Variants in SPATA16 observed in about 807,000 individuals in gnomAD.
SPATA16 encodes spermatogenesis-associated protein 16.
Under a neutral mutation model 63.3 loss-of-function variants are expected in SPATA16, and 36 were observed. The observed-to-expected ratio is 0.57, with a 90% CI of 0.44 to 0.75. The LOEUF (loss-of-function observed/expected upper bound fraction) is 0.75. Among genes scored for constraint, SPATA16 ranks in the 30% least tolerant of loss-of-function variants. The pLI is 0.00. For synonymous variants in SPATA16, 203 were observed against 216.7 expected (o/e 0.94, Z 0.56); for missense variants, 646 against 679.3 (o/e 0.95, Z 0.54).
chr3:173,097,512 C>CT (rs1313299068), intron 2 of SPATA16, among the ~76,000 whole-genome samples: 1 of 152,020 alleles, frequency 6.6e-6, no homozygotes, highest in Non-Finnish European at 1.5e-5. Context: ...AAGTTATGGC[C>CT]ATAGTTCATG....
At chr3:173,092,719 A>T (rs762785125) in intron 2 of SPATA16, among the ~76,000 whole-genome samples, 2 of 152,146 alleles carry the variant, frequency 1.3e-5, no homozygotes, top group African/African-American at 4.8e-5. Flanking sequence ...GGACTGTAAG[A>T]TAATAAACTG....
At chr3:173,057,466 A>G (rs1221870466) in intron 2 of SPATA16, among the ~76,000 whole-genome samples, 1 of 143,642 alleles carries the variant, frequency 7.0e-6, no homozygotes, top group African/African-American at 2.8e-5. Flanking sequence ...TTTCACCGCT[A>G]TTATTCCTAT....
intron 4 of SPATA16, among the ~76,000 whole-genome samples, chr3:172,992,060 T>C (rs1734590310): frequency 6.6e-6 from 1 of 152,114 alleles, no homozygotes; most frequent in East Asian, 1.9e-4. Context: ...CTTGAACTAG[T>C]TAATGGTATG....
At position 173,056,383 on chromosome 3, in the gene SPATA16, T is replaced by C. The variant is rs566080580; in HGVS notation, c.613-7289A>G. Reference sequence around the variant, plus strand: ...GTGGATGGTAACTTTTCTAAGTTCATGAATAGTTGAGAATGTATGTTGCTG... The same window carrying C: ...GTGGATGGTAACTTTTCTAAGTTCACGAATAGTTGAGAATGTATGTTGCTG... On this transcript the variant is annotated intron_variant, in intron 2 of 10. Coordinates refer to ENST00000351008, the MANE Select transcript of SPATA16 (RefSeq NM_031955.6). Among the ~76,000 whole-genome samples, 20 of 152,316 alleles carry C rather than the reference T, an allele frequency of 1.3e-4. No homozygotes were observed. The South Asian group carries it at 3.9e-3, about 30-fold the overall frequency.
intron 1 of SPATA16, among the ~76,000 whole-genome samples, chr3:173,130,156 T>C (rs1738335119): frequency 6.6e-6 from 1 of 151,900 alleles, no homozygotes; most frequent in Admixed American, 6.6e-5. Flanking sequence ...GGTTAAGATA[T>C]CAAGACCATC....
intron 2 of SPATA16, among the ~76,000 whole-genome samples, chr3:173,070,722 A>T (rs1027887606): frequency 6.6e-6 from 1 of 152,208 alleles, no homozygotes; most frequent in Non-Finnish European, 1.5e-5. Context: ...TGAAATAGTT[A>T]CAAATAAAAT....
rs542303733 is a variant in SPATA16, at chr3:173,090,475, C to A, written c.612+26645G>T. Among the ~76,000 whole-genome samples the A allele has an allele frequency of 6.2e-4, 95 of 152,262 alleles. 1 individual carries two copies. The highest frequency in any genetic ancestry group is 1.3e-3 in the African/African-American group (55 of 41,582). On this transcript the variant is annotated intron_variant, in intron 2 of 10. Transcript: ENST00000351008. Reference sequence around the variant, plus strand: ...TGCAAGAATGGAATGATGCTAAAGTCTTACATTTATGAGTTTGGCGCTTCC... The same window carrying A: ...TGCAAGAATGGAATGATGCTAAAGTATTACATTTATGAGTTTGGCGCTTCC...
chr3:173,017,523 C>T (rs912987660), intron 4 of SPATA16, among the ~76,000 whole-genome samples: 2 of 152,154 alleles, frequency 1.3e-5, no homozygotes, highest in African/African-American at 4.8e-5. Flanking sequence ...TGCTGGTAAC[C>T]TGGCTCTCCT....
At chr3:172,968,124 A>T (rs1286007825) in intron 5 of SPATA16, among the ~76,000 whole-genome samples, 2 of 152,216 alleles carry the variant, frequency 1.3e-5, no homozygotes, top group African/African-American at 4.8e-5. Flanking sequence ...CGGGGACTGT[A>T]TCAGCTCTGT....
At chr3:172,915,327 T>C (rs1387844625) in intron 9 of SPATA16, among the ~76,000 whole-genome samples, 1 of 152,162 alleles carries the variant, frequency 6.6e-6, no homozygotes, top group Non-Finnish European at 1.5e-5. Context: ...TTTAACATGC[T>C]TTTAGCAGGT....
intron 4 of SPATA16, among the ~76,000 whole-genome samples, chr3:172,978,128 TCTCTCTCTCC>T (rs1251930897): frequency 6.7e-6 from 1 of 150,054 alleles, no homozygotes; most frequent in Admixed American, 6.6e-5. Flanking sequence ...CAGCTCTCTC[TCTCTCTCTCC>T]CTCTCTCTCT....
intron 2 of SPATA16, among the ~76,000 whole-genome samples, chr3:173,064,442 T>A (rs1736467392): frequency 6.6e-6 from 1 of 152,098 alleles, no homozygotes; most frequent in Non-Finnish European, 1.5e-5. Context: ...CAGTATTAAG[T>A]ATTTTGGCAC....
At chr3:172,897,272 G>C (rs1732027420) in intron 10 of SPATA16, among the ~76,000 whole-genome samples, 1 of 151,960 alleles carries the variant, frequency 6.6e-6, no homozygotes, top group South Asian at 2.1e-4. Context: ...GGATATATCG[G>C]TTTATTTCTG....
At chr3:173,026,168 T>C (rs1735449932) in intron 3 of SPATA16, among the ~76,000 whole-genome samples, 1 of 151,900 alleles carries the variant, frequency 6.6e-6, no homozygotes, top group Admixed American at 6.6e-5. Flanking sequence ...GGCTTTAGTT[T>C]GCATTTCCCT....
intron 10 of SPATA16, among the ~76,000 whole-genome samples, chr3:172,895,244 A>G (rs1013535666): frequency 6.6e-6 from 1 of 152,204 alleles, no homozygotes; most frequent in African/African-American, 2.4e-5. Context: ...AAGATCTCTC[A>G]TGTTACCTTT....
chr3:173,003,894 A>G (rs1734881826), intron 4 of SPATA16, among the ~76,000 whole-genome samples: 1 of 152,232 alleles, frequency 6.6e-6, no homozygotes, highest in Non-Finnish European at 1.5e-5. Context: ...AGTGCAGTAT[A>G]TATTATCTCT....
chr3:173,040,460 G>T (rs1735814439), intron 3 of SPATA16, among the ~76,000 whole-genome samples: 1 of 152,146 alleles, frequency 6.6e-6, no homozygotes, highest in South Asian at 2.1e-4. Context: ...TTTAAAAGTT[G>T]TGTTGTGTCA....
intron 7 of SPATA16, among the ~76,000 whole-genome samples, chr3:172,924,588 C>G (rs941644158): frequency 2.6e-5 from 4 of 152,124 alleles, no homozygotes; most frequent in Admixed American, 2.6e-4. Context: ...AACAATTCAC[C>G]TATCTCTTCA....
At chr3:172,931,592 C>T (rs905893502) in intron 6 of SPATA16, among the ~76,000 whole-genome samples, 5 of 152,146 alleles carry the variant, frequency 3.3e-5, no homozygotes, top group African/African-American at 1.2e-4. Flanking sequence ...AGCAGATGCT[C>T]AATCAACATT....
Sources: gnomAD v4.1 joint callset for allele counts (sites outside exome capture counted in the v4.1 genomes callset) on GRCh38, gnomAD v4.1.1 for gene constraint, MANE v1.5 for transcripts, NCBI Gene and HGNC (gene_info 2026-07-23, HGNC 2026-07-21) for gene names.